The following ARAP2 variants were observed in gnomAD, a reference collection of about 807,000 sequenced individuals.
ARAP2 encodes the protein arf-GAP with Rho-GAP domain, ANK repeat and PH domain-containing protein 2.
ARAP2 carries 148 observed loss-of-function variants against 194.5 expected under a neutral mutation model. The observed-to-expected ratio is 0.76, with a 90% confidence interval of 0.67 to 0.87. ARAP2 has a LOEUF of 0.87. Among genes scored for constraint, ARAP2 ranks in the 40% least tolerant of loss-of-function variants. ARAP2 has a pLI of 0.00. For missense variants in ARAP2, 2,128 were observed against 1,989.7 expected (o/e 1.07, Z -1.32); for synonymous variants, 695 against 683.5 (o/e 1.02, Z -0.26).
At chr4:36,139,611 T>C (rs534142410) in intron 19 of ARAP2, among the ~76,000 whole-genome samples, 4 of 151,752 alleles carry the variant, frequency 2.6e-5, no homozygotes, top group African/African-American at 9.6e-5. Context: ...AGGTAAAAGT[T>C]TAGAGGATGG....
At chr4:36,139,401 CTAGT>C (rs1261044108) in intron 19 of ARAP2, among the ~76,000 whole-genome samples, 5 of 151,522 alleles carry the variant, frequency 3.3e-5, no homozygotes, top group Non-Finnish European at 7.4e-5. Flanking sequence ...GTCCTATCTT[CTAGT>C]TAGAGTTTTA....
At chr4:36,216,690 T>C (rs1348210479) in intron 2 of ARAP2, among the ~76,000 whole-genome samples, 1 of 151,570 alleles carries the variant, frequency 6.6e-6, no homozygotes, top group African/African-American at 2.4e-5. Flanking sequence ...GATAAACAAA[T>C]AGTGGTGTAT....
At chr4:36,178,783 G>T (rs1738555103) in intron 8 of ARAP2, among the ~76,000 whole-genome samples, 1 of 152,168 alleles carries the variant, frequency 6.6e-6, no homozygotes, top group South Asian at 2.1e-4. Context: ...TTTGCTGAAG[G>T]TCATATAGCA....
intron 1 of ARAP2, chr4:36,243,944 C>T (rs1754096399): frequency 6.6e-6 from 1 of 152,222 alleles, no homozygotes; most frequent in African/African-American, 2.4e-5. Context: ...GGATCCTCAC[C>T]CTCCCGGGTC....
chr4:36,047,662 A>G (rs1722048326), intron 3 of ARAP2, among the ~76,000 whole-genome samples: 1 of 152,176 alleles, frequency 6.6e-6, no homozygotes, highest in Non-Finnish European at 1.5e-5. Flanking sequence ...CCACTTCTTC[A>G]TCCTTCTCAG....
intron 27 of ARAP2, among the ~76,000 whole-genome samples, chr4:36,103,955 T>C (rs539381770): frequency 6.6e-6 from 1 of 152,020 alleles, no homozygotes; most frequent in East Asian, 1.9e-4. Context: ...TCAAGCAAAG[T>C]ATATGGTTAT....
At chr4:36,019,461 C>G (rs1417543601) in intron 5 of ARAP2, among the ~76,000 whole-genome samples, 1 of 149,274 alleles carries the variant, frequency 6.7e-6, no homozygotes, top group Non-Finnish European at 1.5e-5. Flanking sequence ...AACTTACAAA[C>G]AATTTTAGGA....
At chr4:36,046,154 T>G (rs1250886273) in intron 4 of ARAP2, 2 of 152,364 alleles carry the variant, frequency 1.3e-5, no homozygotes, top group Non-Finnish European at 2.9e-5. Flanking sequence ...TGTACCAGCC[T>G]ATAGGTAAGT....
At position 36,133,279 on chromosome 4, in the gene ARAP2, T is replaced by C. The variant is rs745464333; in HGVS notation, c.3374A>G (p.Lys1125Arg). 4 of 1,611,268 alleles carry C rather than the reference T, an allele frequency of 2.5e-6. No homozygotes were observed. The highest frequency in any genetic ancestry group is 1.6e-4 in the Middle Eastern group (1 of 6,066). The stretch of plus-strand genomic sequence containing the variant: ...GTTCACTATAATGGGAACGTCATTT[T>C]TGCTGAGCTGCTGATCTTGTAAAGC... ...GNALQDQQLS[K>R]NDVPIIVNSC... Residue 1125 changes from lysine (K) to arginine (R), a missense_variant, in exon 20 of 33, where the codon AAA becomes AGA. Coordinates refer to ENST00000303965, the MANE Select transcript of ARAP2 (RefSeq NM_015230.4).
At chr4:36,115,361 T>C (rs954888828) in intron 25 of ARAP2, among the ~76,000 whole-genome samples, 3 of 151,804 alleles carry the variant, frequency 2.0e-5, no homozygotes, top group Non-Finnish European at 4.4e-5. Flanking sequence ...CAGTATGGAG[T>C]AGTTGAATCA....
intron 5 of ARAP2, among the ~76,000 whole-genome samples, chr4:36,023,344 A>G (rs78552768): frequency 0.07 from 10,727 of 152,254 alleles, 428 homozygotes; most frequent in East Asian, 0.089. Context: ...ATGTATAACA[A>G]TGAGGTTTTC....
At chr4:36,038,922 G>C (rs576763708) in intron 5 of ARAP2, among the ~76,000 whole-genome samples, 1 of 152,222 alleles carries the variant, frequency 6.6e-6, no homozygotes, top group South Asian at 2.1e-4. Context: ...GAACATTTAT[G>C]CCAACTAAAT....
At chr4:36,113,284 A>G (rs1313228636) in intron 26 of ARAP2, among the ~76,000 whole-genome samples, 1 of 151,966 alleles carries the variant, frequency 6.6e-6, no homozygotes, top group African/African-American at 2.4e-5. Context: ...TACCATAGTC[A>G]TTAGATCTTG....
At chr4:36,216,716 C>T (rs1375988175) in intron 2 of ARAP2, among the ~76,000 whole-genome samples, 1 of 151,936 alleles carries the variant, frequency 6.6e-6, no homozygotes, top group Non-Finnish European at 1.5e-5. Flanking sequence ...CAAGAGACTA[C>T]TACCCAGCTG....
rs760683244 is a variant in ARAP2 at position 36,187,560 on chromosome 4, C to T, written c.1569G>A (p.Ser523=). 50 of 1,555,478 alleles carry T rather than the reference C, an allele frequency of 3.2e-5. No individual in the cohort carries two copies. The East Asian group carries it at 3.5e-4, about 11-fold the overall frequency. ...SYYNNEKEMY[S]KGIIPLSAIS... is the part of the protein sequence containing the mutation. ...TAGCAGAAAGGGGAATTATTCCTTT[C>T]GAATACATCTCCTGTATTGGTTAGA... Residue 523 remains serine (S), a synonymous_variant, in exon 8 of 33, where the codon TCG becomes TCA. Coordinates refer to ENST00000303965, the MANE Select transcript of ARAP2 (RefSeq NM_015230.4).
At chr4:36,068,421 T>C in intron 32 of ARAP2, 143 bp from the exon 33 acceptor site, 1 of 866,064 alleles carries the variant, frequency 1.2e-6, no homozygotes, top group Non-Finnish European at 1.6e-6. Flanking sequence ...TCGATACAAG[T>C]GGCATGTCTG....
At chr4:36,009,759 A>G (rs2109305501) in intron 9 of ARAP2, among the ~76,000 whole-genome samples, 1 of 150,164 alleles carries the variant, frequency 6.7e-6, no homozygotes, top group African/African-American at 2.4e-5. Flanking sequence ...GAGAACATCA[A>G]TGCAGTTCTG....
In ARAP2 at chr4:36,223,280, A is replaced by G. The variant is rs368947103; in HGVS notation, c.905+5302T>C. 2.6e-4 allele frequency among the ~76,000 whole-genome samples: 40 copies of G among 152,244 alleles called. 1 individual carries two copies. The South Asian group carries it at 3.9e-3, about 15-fold the overall frequency. On this transcript the variant is annotated intron_variant, in intron 2 of 32. Transcript: ENST00000303965. ...AATAATAATAAAATCTAAAAATAAA[A>G]CCCAAATCAAAAATATCAATGATTC...
intron 1 of ARAP2, among the ~76,000 whole-genome samples, chr4:36,235,624 AC>A (rs1752296917): frequency 6.6e-6 from 1 of 152,180 alleles, no homozygotes; most frequent in Non-Finnish European, 1.5e-5. Context: ...GATCTTGTCT[AC>A]TGTTCACTGC....
Sources: allele counts gnomAD v4.1 joint callset (sites outside exome capture counted in the v4.1 genomes callset), GRCh38; gene constraint gnomAD v4.1.1; transcripts MANE v1.5; gene names NCBI Gene and HGNC (gene_info 2026-07-23, HGNC 2026-07-21).